GALK2: variants seen among roughly 807,000 people sequenced by gnomAD.
GALK2 encodes galactokinase 2, also known as N-acetylgalactosamine kinase.
GALK2 carries 36 observed loss-of-function variants against 52.4 expected under a neutral mutation model. The observed-to-expected ratio is 0.69, with a 90% CI of 0.53 to 0.91. GALK2 has a LOEUF of 0.91. Among genes scored for constraint, GALK2 ranks in the 40% least tolerant of loss-of-function variants. The probability of loss-of-function intolerance (pLI) is 0.00; values close to 1 mark genes in which losing one functional copy is unlikely to be tolerated. For synonymous variants in GALK2, 176 were observed against 199.1 expected (o/e 0.88, Z 0.98); for missense variants, 579 against 559.1 (o/e 1.04, Z -0.36).
At chr15:49,258,262 A>G (rs2091899529) in intron 5 of GALK2, among the ~76,000 whole-genome samples, 1 of 152,136 alleles carries the variant, frequency 6.6e-6, no homozygotes, top group Non-Finnish European at 1.5e-5. Flanking sequence ...TGGAAAAGAA[A>G]TAAGTGAAAA....
chr15:49,225,010 A>G (rs990619227), intron 3 of GALK2, among the ~76,000 whole-genome samples: 14 of 152,194 alleles, frequency 9.2e-5, no homozygotes, highest in African/African-American at 2.9e-4. Flanking sequence ...GATCCAGTAA[A>G]TGGTGCTTAA....
At chr15:49,362,351 T>C (rs1265305233) in intron 3 of GALK2, among the ~76,000 whole-genome samples, 1 of 152,204 alleles carries the variant, frequency 6.6e-6, no homozygotes, top group African/African-American at 2.4e-5. Flanking sequence ...TGCTTCCCCT[T>C]CACATTCTGC....
intron 1 of GALK2, among the ~76,000 whole-genome samples, chr15:49,178,983 A>G (rs1028403813): frequency 6.6e-6 from 1 of 151,994 alleles, no homozygotes; most frequent in Non-Finnish European, 1.5e-5. Context: ...TCATTCTTCT[A>G]TTCAACCTAT....
At chr15:49,234,377 G>A (rs1035003773) in intron 3 of GALK2, among the ~76,000 whole-genome samples, 1 of 152,054 alleles carries the variant, frequency 6.6e-6, no homozygotes, top group Admixed American at 6.6e-5. Context: ...TGATTAAGGT[G>A]GCATCTGTCA....
intron 3 of GALK2, among the ~76,000 whole-genome samples, chr15:49,348,298 C>T (rs960642829): frequency 2.0e-5 from 3 of 152,160 alleles, no homozygotes; most frequent in Non-Finnish European, 4.4e-5. Flanking sequence ...ATACAAACTT[C>T]GGGTTTGCTT....
At chr15:49,167,420 G>A (rs556391168), upstream of GALK2, among the ~76,000 whole-genome samples, 17 of 152,096 alleles carry the variant, frequency 1.1e-4, no homozygotes, top group African/African-American at 3.9e-4. Flanking sequence ...GTGCAGTGGC[G>A]TGATTTTGGC....
At chr15:49,278,628 A>C (rs2032244549) in intron 5 of GALK2, among the ~76,000 whole-genome samples, 5 of 152,134 alleles carry the variant, frequency 3.3e-5, no homozygotes. Context: ...TCTCCTTATT[A>C]TGGATAGGAG....
intron 8 of GALK2, among the ~76,000 whole-genome samples, chr15:49,312,579 A>G (rs964997148): frequency 2.6e-5 from 4 of 152,184 alleles, no homozygotes; most frequent in Non-Finnish European, 5.9e-5. Flanking sequence ...GAGACAGCCT[A>G]TCAAGGAGAC....
At chr15:49,168,724 A>G (rs1402834240), upstream of GALK2, among the ~76,000 whole-genome samples, 1 of 151,912 alleles carries the variant, frequency 6.6e-6, no homozygotes, top group Non-Finnish European at 1.5e-5. Context: ...CATCTAAAAA[A>G]AAAAAAAAAG....
intron 5 of GALK2, among the ~76,000 whole-genome samples, chr15:49,280,378 T>C (rs1324898222): frequency 6.6e-6 from 1 of 151,984 alleles, no homozygotes; most frequent in African/African-American, 2.4e-5. Flanking sequence ...GTGGGGAGTA[T>C]TGAGTGAAGA....
chr15:49,182,162 C>T (rs1324196101), intron 1 of GALK2, among the ~76,000 whole-genome samples: 2 of 152,176 alleles, frequency 1.3e-5, no homozygotes, highest in East Asian at 3.8e-4. Flanking sequence ...TTCGCAACCT[C>T]TGGTAACCAT....
chr15:49,323,723 A>G (rs1408944416), intron 9 of GALK2, among the ~76,000 whole-genome samples: 2 of 152,176 alleles, frequency 1.3e-5, no homozygotes, highest in Non-Finnish European at 2.9e-5. Context: ...AGTGGAGAGA[A>G]GGGGGGTTGG....
intron 8 of GALK2, among the ~76,000 whole-genome samples, chr15:49,296,369 A>G (rs2034477871): frequency 6.6e-6 from 1 of 152,206 alleles, no homozygotes. Context: ...AATTGAGAAC[A>G]TATGGTATTT....
At chr15:49,179,171 T>C (rs1183147896) in intron 1 of GALK2, among the ~76,000 whole-genome samples, 1 of 152,090 alleles carries the variant, frequency 6.6e-6, no homozygotes, top group African/African-American at 2.4e-5. Context: ...TGAAATTCCA[T>C]CTCTAACATA....
intron 4 of GALK2, among the ~76,000 whole-genome samples, chr15:49,237,279 C>T (rs2090860225): frequency 6.6e-6 from 1 of 152,064 alleles, no homozygotes; most frequent in South Asian, 2.1e-4. Context: ...TAAATGCTAG[C>T]CTGTTCAGAA....
At chr15:49,333,773 G>A (rs1805064954), downstream of GALK2, among the ~76,000 whole-genome samples, 1 of 152,184 alleles carries the variant, frequency 6.6e-6, no homozygotes, top group African/African-American at 2.4e-5. Flanking sequence ...GCTTACGGGT[G>A]TGTTGGAAGA....
chr15:49,222,144 A>AT lies in GALK2; in HGVS notation c.266+4840dup, dbSNP rs200308336. On this transcript the variant is annotated intron_variant, in intron 3 of 9. Coordinates refer to ENST00000560031, the MANE Select transcript of GALK2 (RefSeq NM_002044.4). ...TCCTTGGTTAAATTTATTCTTAGGT[A>AT]TTTTTTTTTGTAGCTATTATAAACA... Among the ~76,000 whole-genome samples the AT allele has an allele frequency of 3.8e-4, 57 of 150,600 alleles. 1 individual carries two copies. The East Asian group carries it at 4.3e-3, about 11-fold the overall frequency.
At chr15:49,366,641 A>G in intron 3 of GALK2, 1 of 1,576,498 alleles carries the variant, frequency 6.3e-7, no homozygotes, top group Non-Finnish European at 8.7e-7. Flanking sequence ...GAAGCCCCAG[A>G]GCAGGGCGGC....
At chr15:49,173,599 T>G in intron 1 of GALK2, among the ~76,000 whole-genome samples, 1 of 152,230 alleles carries the variant, frequency 6.6e-6, no homozygotes, top group East Asian at 1.9e-4. Context: ...TATTGTGTCC[T>G]TATATCATTG....
Sources: allele counts gnomAD v4.1 joint callset (sites outside exome capture counted in the v4.1 genomes callset), GRCh38; gene constraint gnomAD v4.1.1; transcripts MANE v1.5; gene names NCBI Gene and HGNC (gene_info 2026-07-23, HGNC 2026-07-21).